The following EPB41L1 variants were observed in gnomAD, a reference collection of about 807,000 sequenced individuals.
EPB41L1 encodes band 4.1-like protein 1.
Under a neutral mutation model 97.8 loss-of-function variants are expected in EPB41L1, and 29 were observed. That is an observed-to-expected ratio of 0.30 (90% CI 0.22 to 0.40). The LOEUF (loss-of-function observed/expected upper bound fraction) is 0.40, where lower values mean the gene tolerates loss of function less well. Among genes scored for constraint, EPB41L1 ranks in the 10% least tolerant of loss-of-function variants. The probability of loss-of-function intolerance (pLI) is 1.00; values close to 1 mark genes in which losing one functional copy is unlikely to be tolerated. For missense variants in EPB41L1, 812 were observed against 1,162.3 expected (o/e 0.70, Z 4.38); for synonymous variants, 383 against 459.2 (o/e 0.83, Z 2.12).
chr20:36,211,581 C>T (rs186755030), intron 15 of EPB41L1, among the ~76,000 whole-genome samples: 13 of 151,948 alleles, frequency 8.6e-5, no homozygotes, highest in East Asian at 1.9e-4. Flanking sequence ...AGGCTGGGCA[C>T]GGTGGCCCAC....
rs2060217523 is a variant in EPB41L1 at position 36,154,779 on chromosome 20, G to T, written c.-132G>T. The stretch of plus-strand genomic sequence containing the variant: ...AGCGGGCGGGGGTGTCGCCGAACAG[G>T]CTGCTCCGCAGAGCCCGCCGCGACC... On this transcript the variant is annotated 5_prime_UTR_variant, in exon 1 of 22. Coordinates refer to ENST00000338074, the MANE Select transcript of EPB41L1 (RefSeq NM_012156.2). The surrounding 1 kb of genome is among the most constrained non-coding windows in gnomAD (Gnocchi z 5.5). 4 of 987,052 alleles carry T rather than the reference G, an allele frequency of 4.1e-6. No homozygotes were observed. Among genetic ancestry groups the T allele is most frequent in the Non-Finnish European group, 4.8e-6 (4 of 830,890 alleles). The allele number at this position is 987,052 out of a possible 1,614,324, so 61.1% of individuals were successfully genotyped here. A position where few individuals can be genotyped will look rare whatever the true frequency, so the allele number is the denominator to read the frequency against.
In EPB41L1 at chr20:36,214,401, C is replaced by A. The variant is rs2063320108; in HGVS notation, c.2229C>A (p.Thr743=). 1 of 1,613,726 alleles carries A rather than the reference C, an allele frequency of 6.2e-7. No homozygotes were observed. Among genetic ancestry groups the A allele is most frequent in the South Asian group, 1.1e-5 (1 of 91,036 alleles). Residue 743 remains threonine (T), a synonymous_variant, in exon 17 of 22, where the codon ACC becomes ACA. Coordinates refer to ENST00000338074, the MANE Select transcript of EPB41L1 (RefSeq NM_012156.2). ...SASVGREFIA[T]TPSITTETIS... ...CAGTGGGGAGGGAGTTCATAGCAAC[C>A]ACTCCCTCCATCACCACGGAGACCA...
At chr20:36,200,977 G>A (rs1453716254) in intron 14 of EPB41L1, 2 of 457,072 alleles carry the variant, frequency 4.4e-6, no homozygotes, top group Admixed American at 2.3e-5. Flanking sequence ...CATCTCCTGA[G>A]GTTACTGTCT....
intron 15 of EPB41L1, among the ~76,000 whole-genome samples, chr20:36,211,343 T>C (rs997352815): frequency 6.6e-6 from 1 of 151,946 alleles, no homozygotes; most frequent in Non-Finnish European, 1.5e-5. Flanking sequence ...ATCACGCCAT[T>C]ACACTCCAGC....
intron 2 of EPB41L1, among the ~76,000 whole-genome samples, chr20:36,134,991 G>C (rs933731587): frequency 6.6e-6 from 1 of 151,372 alleles, no homozygotes. Context: ...AGCCTCCCGA[G>C]TAGCTGGGAT....
rs1267139706 is a variant in EPB41L1 at position 36,194,201 on chromosome 20, A to G, written c.1301-11A>G. 1.2e-6 allele frequency: 2 copies of G among 1,612,902 alleles called. No individual in the cohort carries two copies. Among genetic ancestry groups the G allele is most frequent in the South Asian group, 2.2e-5 (2 of 91,016 alleles). ...CTCACATGGTTGCCTGGCTATCTCCACCCACTTCAGCAGAGTTCTCCCGCC... is the reference window on the plus strand; with the variant it reads ...CTCACATGGTTGCCTGGCTATCTCCGCCCACTTCAGCAGAGTTCTCCCGCC... On this transcript the variant is annotated splice_polypyrimidine_tract_variant and intron_variant, in intron 11 of 21. Coordinates refer to ENST00000338074, the MANE Select transcript of EPB41L1 (RefSeq NM_012156.2).
intron 21 of EPB41L1, among the ~76,000 whole-genome samples, chr20:36,223,117 C>T (rs569701862): frequency 3.9e-5 from 6 of 152,336 alleles, no homozygotes; most frequent in South Asian, 4.1e-4. Flanking sequence ...AGGATAGTCT[C>T]GATCCCCTGA....
rs775628046 is a variant in EPB41L1 at position 36,221,901 on chromosome 20, A to G, written c.2477A>G (p.Lys826Arg). 1 of 1,614,224 alleles carries G rather than the reference A, an allele frequency of 6.2e-7. No individual in the cohort carries two copies. The highest frequency in any genetic ancestry group is 1.1e-5 in the South Asian group (1 of 91,086). ...KGGFSETRIE[K>R]RIIITGDEDV... ...GGGTTTTCTGAGACAAGGATCGAGAAGCGAATCATCATTACTGGGGATGAA... is the reference window on the plus strand; with the variant it reads ...GGGTTTTCTGAGACAAGGATCGAGAGGCGAATCATCATTACTGGGGATGAA... The change falls in exon 20 of 22, where the codon AAG becomes AGG. Residue 826 changes from lysine (K) to arginine (R), a missense_variant. By Grantham distance (26) the Lys-to-Arg change is conservative (BLOSUM62 2). Transcript: ENST00000338074.
At chr20:36,210,026 C>A in intron 15 of EPB41L1, 128 bp downstream of exon 15, 1 of 1,141,950 alleles carries the variant, frequency 8.8e-7, no homozygotes, top group Non-Finnish European at 1.3e-6. Context: ...GCATGACTGC[C>A]CCTCCGCAGA....
At position 36,190,466 on chromosome 20, in the gene EPB41L1, A is replaced by G. The variant is rs1486612724; in HGVS notation, c.1124+92A>G. The G allele has an allele frequency of 6.5e-7, 1 of 1,529,896 alleles. No individual in the cohort carries two copies. Among genetic ancestry groups the G allele is most frequent in the Non-Finnish European group, 9.0e-7 (1 of 1,116,284 alleles). The allele number at this position is 1,529,896 out of a possible 1,614,324, so 94.8% of individuals were successfully genotyped here. ...GGAGGAGTTAGTGAGAACTCTAGGA[A>G]AGTCCTCCACCCTTTCCCCAAGTCC... is the stretch of plus-strand genomic sequence containing the variant. On this transcript the variant is annotated intron_variant, in intron 10 of 21. Coordinates refer to ENST00000338074, the MANE Select transcript of EPB41L1 (RefSeq NM_012156.2). The surrounding 1 kb of genome is among the most constrained non-coding windows in gnomAD (Gnocchi z 5.8).
At chr20:36,150,196 G>A (rs985102698), upstream of EPB41L1, among the ~76,000 whole-genome samples, 1 of 151,886 alleles carries the variant, frequency 6.6e-6, no homozygotes, top group African/African-American at 2.4e-5. Flanking sequence ...TCAGCCTCTG[G>A]AGTAGCTGGG....
rs1203549544 is a variant in EPB41L1, at chr20:36,190,670, C to T, written c.1173C>T (p.Ser391=). The part of the protein sequence containing the change: ...PPPKGFLVMG[S]KFRYSGRTQA... ...CCAAGGGCTTCCTGGTGATGGGCTC[C>T]AAGTTCCGGTACAGTGGGAGGACCC... Residue 391 remains serine (S), a synonymous_variant, in exon 11 of 22, where the codon TCC becomes TCT. Coordinates refer to ENST00000338074, the MANE Select transcript of EPB41L1 (RefSeq NM_012156.2). This position sits in a 1 kb window ranked among gnomAD's most constrained non-coding sequence, Gnocchi z 5.8. The T allele has an allele frequency of 3.7e-6, 6 of 1,613,880 alleles. No homozygotes were observed. In the East Asian group the frequency reaches 6.7e-5, roughly 18 times the overall value.
chr20:36,202,214 C>A (rs1306764238), intron 14 of EPB41L1, among the ~76,000 whole-genome samples: 1 of 152,366 alleles, frequency 6.6e-6, no homozygotes, highest in South Asian at 2.1e-4. Context: ...CATTCTCCTG[C>A]AAATGTCCAT....
chr20:36,094,580 A>G (rs975007591), intron 1 of EPB41L1, among the ~76,000 whole-genome samples: 1 of 152,204 alleles, frequency 6.6e-6, no homozygotes, highest in Non-Finnish European at 1.5e-5. Context: ...GCCAAGATAC[A>G]GGACACAGGA....
chr20:36,127,422 GTGAGAGACGAGT>G (rs2059015400), intron 2 of EPB41L1, among the ~76,000 whole-genome samples: 1 of 152,168 alleles, frequency 6.6e-6, no homozygotes, highest in Non-Finnish European at 1.5e-5. Context: ...CTTCCCTGAG[GTGAGAGACGAGT>G]AAGGCTGGAG....
rs1450146347 is a variant in EPB41L1 at position 36,219,821 on chromosome 20, TCCA to T, written c.2425_2427del (p.Thr809del). On this transcript the variant is annotated inframe_deletion, in exon 19 of 22. Transcript: ENST00000338074. ...CGCCACTGCGGAAACCCTCTCAACCTCCACCACCACCCATGTCACCAAAGTGAG... is the reference window on the plus strand; with the variant it reads ...CGCCACTGCGGAAACCCTCTCAACCTCCACCACCCATGTCACCAAAGTGAG... 6.2e-7 allele frequency: 1 copy of T among 1,614,042 alleles called. No homozygotes were observed. Among genetic ancestry groups the T allele is most frequent in the Admixed American group, 1.7e-5 (1 of 60,020 alleles).
At chr20:36,149,299 A>G (rs1304239362) in intron 2 of EPB41L1, among the ~76,000 whole-genome samples, 1 of 152,088 alleles carries the variant, frequency 6.6e-6, no homozygotes, top group African/African-American at 2.4e-5. Context: ...ACAACACTAC[A>G]CTAGATACGT....
chr20:36,193,441 C>T (rs1274392710), intron 11 of EPB41L1, among the ~76,000 whole-genome samples: 1 of 152,200 alleles, frequency 6.6e-6, no homozygotes, highest in Non-Finnish European at 1.5e-5. Flanking sequence ...AGGCCAACCC[C>T]AAGGATAATC....
Position 36,166,336 on chromosome 20 carries a change from G to C in EPB41L1, c.-14-7428G>C, listed in dbSNP as rs193140947. On this transcript the variant is annotated intron_variant, in intron 1 of 21. Coordinates refer to ENST00000338074, the MANE Select transcript of EPB41L1 (RefSeq NM_012156.2). The stretch of plus-strand genomic sequence containing the variant: ...CTTTTGTAAAATAGGGATAATAAGA[G>C]TACCTATTACCCATTATAGGTTATT... Among the ~76,000 whole-genome samples, 102 of 152,326 alleles carry C rather than the reference G, an allele frequency of 6.7e-4. No homozygotes were observed. In the East Asian group the frequency reaches 0.017, roughly 26 times the overall value.
Sources: gnomAD v4.1 joint callset for allele counts (sites outside exome capture counted in the v4.1 genomes callset) on GRCh38, gnomAD v4.1.1 for gene constraint, Gnocchi (gnomAD v3.1) non-coding constraint, MANE v1.5 for transcripts, NCBI Gene and HGNC (gene_info 2026-07-23, HGNC 2026-07-21) for gene names.